Variants in FBXL17 observed in about 807,000 individuals in gnomAD.
FBXL17 encodes F-box/LRR-repeat protein 17.
Under a neutral mutation model 66.2 loss-of-function variants are expected in FBXL17, and 22 were observed. That is an observed-to-expected ratio of 0.33 (90% CI 0.24 to 0.47). The LOEUF (loss-of-function observed/expected upper bound fraction) is 0.47, where lower values mean the gene tolerates loss of function less well. Among genes scored for constraint, FBXL17 ranks in the 20% least tolerant of loss-of-function variants. The pLI is 1.00. For synonymous variants in FBXL17, 474 were observed against 400.5 expected (o/e 1.18, Z -2.19); for missense variants, 878 against 948.2 (o/e 0.93, Z 0.97).
chr5:108,097,010 T>C (rs949542537), intron 6 of FBXL17, among the ~76,000 whole-genome samples: 2 of 152,198 alleles, frequency 1.3e-5, no homozygotes, highest in Non-Finnish European at 2.9e-5. Context: ...GGTTTGGCTC[T>C]GTGTCCCCAT....
intron 8 of FBXL17, among the ~76,000 whole-genome samples, chr5:107,874,957 A>G (rs2112492982): frequency 6.6e-6 from 1 of 152,230 alleles, no homozygotes; most frequent in African/African-American, 2.4e-5. Flanking sequence ...CTGCACTCTC[A>G]CCATTTCTCA....
intron 7 of FBXL17, among the ~76,000 whole-genome samples, chr5:107,947,954 C>T (rs1237647511): frequency 6.6e-6 from 1 of 152,096 alleles, no homozygotes; most frequent in African/African-American, 2.4e-5. Flanking sequence ...CACATGTACC[C>T]ATGATTTCAT....
At chr5:108,162,851 A>T (rs890185743) in intron 6 of FBXL17, among the ~76,000 whole-genome samples, 3 of 152,182 alleles carry the variant, frequency 2.0e-5, no homozygotes, top group Non-Finnish European at 4.4e-5. Flanking sequence ...GGTTATTGGT[A>T]TTATTCTGTA....
chr5:108,105,174 T>A (rs1466576179), intron 6 of FBXL17, among the ~76,000 whole-genome samples: 2 of 152,038 alleles, frequency 1.3e-5, no homozygotes, highest in Non-Finnish European at 2.9e-5. Context: ...GCTTTTTGTA[T>A]CAAAAAATAG....
intron 6 of FBXL17, among the ~76,000 whole-genome samples, chr5:108,114,109 G>C (rs150626894): frequency 2.0e-5 from 3 of 152,210 alleles, no homozygotes; most frequent in East Asian, 1.9e-4. Flanking sequence ...TGTATATGAA[G>C]GTCATGAAGC....
chr5:108,153,679 A>T (rs1305986221), intron 6 of FBXL17, among the ~76,000 whole-genome samples: 3 of 151,920 alleles, frequency 2.0e-5, no homozygotes, highest in Non-Finnish European at 2.9e-5. Flanking sequence ...AAATTTCATT[A>T]AAAAAAATAT....
At chr5:108,299,746 G>C (rs999312703) in intron 4 of FBXL17, 5 of 984,984 alleles carry the variant, frequency 5.1e-6, no homozygotes, top group Non-Finnish European at 4.8e-6. Context: ...CTCTGCAGGA[G>C]CTGATTGAAG....
At chr5:108,078,484 C>T (rs1360051454) in intron 6 of FBXL17, among the ~76,000 whole-genome samples, 2 of 152,246 alleles carry the variant, frequency 1.3e-5, no homozygotes, top group Middle Eastern at 3.4e-3. Context: ...ACAGAAGTGG[C>T]CCTGCAAAGC....
chr5:107,941,681 G>A (rs1378999981), intron 7 of FBXL17, among the ~76,000 whole-genome samples: 4 of 152,140 alleles, frequency 2.6e-5, no homozygotes, highest in East Asian at 1.9e-4. Context: ...CTGATCCCAC[G>A]TTAGAGATAT....
chr5:108,220,229 A>G (rs549670287), intron 5 of FBXL17, among the ~76,000 whole-genome samples: 1 of 151,920 alleles, frequency 6.6e-6, no homozygotes, highest in Non-Finnish European at 1.5e-5. Flanking sequence ...GGATTCTTCT[A>G]TGCAGTTCTC....
At chr5:108,303,184 G>A (rs1002449689) in intron 4 of FBXL17, among the ~76,000 whole-genome samples, 1 of 151,720 alleles carries the variant, frequency 6.6e-6, no homozygotes, top group African/African-American at 2.4e-5. Flanking sequence ...CTCTTAATTA[G>A]TGAGTATAGG....
intron 6 of FBXL17, among the ~76,000 whole-genome samples, chr5:108,124,747 T>C (rs916222894): frequency 2.0e-5 from 3 of 152,090 alleles, no homozygotes; most frequent in African/African-American, 4.8e-5. Context: ...TTCTAGTCTA[T>C]GTAGCAATGC....
At chr5:108,340,468 A>C (rs1258133199) in intron 4 of FBXL17, among the ~76,000 whole-genome samples, 1 of 152,018 alleles carries the variant, frequency 6.6e-6, no homozygotes, top group Non-Finnish European at 1.5e-5. Flanking sequence ...AACCGATTTT[A>C]TTAACAGTAA....
chr5:108,029,021 C>A (rs995105492), intron 6 of FBXL17, among the ~76,000 whole-genome samples: 11 of 152,150 alleles, frequency 7.2e-5, no homozygotes, highest in African/African-American at 2.7e-4. Context: ...AGGTCAACAT[C>A]TTCATTCCAA....
At chr5:107,985,052 T>C (rs1396018287) in intron 7 of FBXL17, among the ~76,000 whole-genome samples, 1 of 152,174 alleles carries the variant, frequency 6.6e-6, no homozygotes, top group Admixed American at 6.6e-5. Context: ...AGTTTGAAAA[T>C]GTCAAGTTCA....
intron 6 of FBXL17, among the ~76,000 whole-genome samples, chr5:108,074,726 TTTGTA>T (rs1748478287): frequency 1.3e-5 from 2 of 152,326 alleles, no homozygotes; most frequent in South Asian, 4.1e-4. Context: ...TCTGCTCTCT[TTTGTA>T]TTACATTACC....
chr5:108,338,937 G>A (rs1330354893), intron 4 of FBXL17, among the ~76,000 whole-genome samples: 1 of 152,140 alleles, frequency 6.6e-6, no homozygotes, highest in Admixed American at 6.5e-5. Flanking sequence ...GGTTTAGATA[G>A]GAACATCACC....
intron 5 of FBXL17, among the ~76,000 whole-genome samples, chr5:108,215,825 G>A (rs1194841949): frequency 3.3e-5 from 5 of 152,158 alleles, no homozygotes; most frequent in Non-Finnish European, 5.9e-5. Context: ...ATGTTTCATA[G>A]TTTTAACTCC....
At chr5:108,019,221 G>A (rs1268260269) in intron 7 of FBXL17, among the ~76,000 whole-genome samples, 3 of 152,168 alleles carry the variant, frequency 2.0e-5, no homozygotes. Context: ...AGGAAATGGA[G>A]TGTCCTATAT....
Sources: gnomAD v4.1 joint callset for allele counts (sites outside exome capture counted in the v4.1 genomes callset) on GRCh38, gnomAD v4.1.1 for gene constraint, MANE v1.5 for transcripts, NCBI Gene and HGNC (gene_info 2026-07-23, HGNC 2026-07-21) for gene names.